The following NTNG1 variants were observed in gnomAD, a reference collection of about 807,000 sequenced individuals.
NTNG1 encodes netrin G1, also known as netrin-G1.
In NTNG1, 16 loss-of-function variants were observed where a neutral mutation model predicts 54.0. The observed-to-expected ratio is 0.30, with a 90% CI of 0.20 to 0.45. The LOEUF (loss-of-function observed/expected upper bound fraction) is 0.45, where lower values mean the gene tolerates loss of function less well. NTNG1 is among the 20% of genes least tolerant of loss of function. The pLI is 1.00. For missense variants in NTNG1, 530 were observed against 678.7 expected (o/e 0.78, Z 2.43); for synonymous variants, 255 against 263.1 (o/e 0.97, Z 0.30).
intron 2 of NTNG1, among the ~76,000 whole-genome samples, chr1:107,221,937 C>T (rs1421629484): frequency 6.6e-6 from 1 of 152,124 alleles, no homozygotes; most frequent in Non-Finnish European, 1.5e-5. Context: ...CCAACCTTTC[C>T]TTCCCTCCTT....
At chr1:107,447,357 C>A (rs950067036) in intron 7 of NTNG1, among the ~76,000 whole-genome samples, 1 of 152,032 alleles carries the variant, frequency 6.6e-6, no homozygotes, top group African/African-American at 2.4e-5. Flanking sequence ...GATAACTTGA[C>A]AATTTATTAG....
intron 2 of NTNG1, among the ~76,000 whole-genome samples, chr1:107,232,820 C>A (rs1661163570): frequency 6.6e-6 from 1 of 152,086 alleles, no homozygotes; most frequent in African/African-American, 2.4e-5. Context: ...ATGGAGGGTA[C>A]TAATAGCATT....
At chr1:107,145,817 G>C (rs1654065214) in intron 1 of NTNG1, among the ~76,000 whole-genome samples, 1 of 152,022 alleles carries the variant, frequency 6.6e-6, no homozygotes, top group Non-Finnish European at 1.5e-5. Flanking sequence ...TTCGATCAAT[G>C]GTGTAGTCCA....
chr1:107,346,884 TAAAAAAAAAAA>T (rs537482440), intron 3 of NTNG1, among the ~76,000 whole-genome samples: 1 of 97,140 alleles, frequency 1.0e-5, no homozygotes, highest in African/African-American at 3.9e-5. Context: ...TTTTCTATCC[TAAAAAAAAAAA>T]AAAAAAAAAA....
chr1:107,232,986 A>C (rs891749116), intron 2 of NTNG1, among the ~76,000 whole-genome samples: 3 of 152,220 alleles, frequency 2.0e-5, no homozygotes, highest in African/African-American at 7.2e-5. Context: ...TTTTATGGAT[A>C]ATAATGTAAT....
intron 2 of NTNG1, among the ~76,000 whole-genome samples, chr1:107,251,631 T>A (rs1006551600): frequency 1.3e-5 from 2 of 152,186 alleles, no homozygotes; most frequent in African/African-American, 2.4e-5. Context: ...TCTAAATTAA[T>A]GTCTCCAGTT....
At chr1:107,430,941 T>C (rs374027294) in intron 6 of NTNG1, 24 bp downstream of exon 6, 82 of 1,607,756 alleles carry the variant, frequency 5.1e-5, no homozygotes, top group Non-Finnish European at 6.3e-5. Flanking sequence ...CAATTTCAGC[T>C]ATTCTTCTGT....
intron 2 of NTNG1, among the ~76,000 whole-genome samples, chr1:107,258,761 A>C (rs1187941945): frequency 6.6e-6 from 1 of 152,224 alleles, no homozygotes; most frequent in Non-Finnish European, 1.5e-5. Context: ...CAAGGGAGAG[A>C]GTTCAGATTC....
At chr1:107,285,292 A>C (rs941946566) in intron 2 of NTNG1, among the ~76,000 whole-genome samples, 1 of 152,192 alleles carries the variant, frequency 6.6e-6, no homozygotes, top group Non-Finnish European at 1.5e-5. Flanking sequence ...TAGCTTTTAA[A>C]TTTGCTTTCA....
At chr1:107,454,898 G>A (rs1186209975) in intron 7 of NTNG1, among the ~76,000 whole-genome samples, 2 of 152,146 alleles carry the variant, frequency 1.3e-5, no homozygotes, top group Non-Finnish European at 2.9e-5. Flanking sequence ...AAATGAATGA[G>A]GCTCAAACCC....
At chr1:107,216,840 G>A (rs572010888) in intron 2 of NTNG1, among the ~76,000 whole-genome samples, 1 of 152,162 alleles carries the variant, frequency 6.6e-6, no homozygotes, top group Admixed American at 6.5e-5. Context: ...ACCACGACCA[G>A]CTTAATTTTT....
chr1:107,449,663 T>G (rs903853317), intron 7 of NTNG1, among the ~76,000 whole-genome samples: 1 of 151,428 alleles, frequency 6.6e-6, no homozygotes, highest in Non-Finnish European at 1.5e-5. Flanking sequence ...ATACCTGACT[T>G]AAAGAGTCCT....
intron 2 of NTNG1, among the ~76,000 whole-genome samples, chr1:107,235,540 C>T (rs1570924130): frequency 2.0e-5 from 3 of 152,240 alleles, no homozygotes; most frequent in Middle Eastern, 6.8e-3. Flanking sequence ...ATGGGCTTTA[C>T]CTTCAGGAGC....
intron 5 of NTNG1, among the ~76,000 whole-genome samples, chr1:107,422,368 A>T (rs756449990): frequency 4.6e-5 from 7 of 152,058 alleles, no homozygotes; most frequent in Non-Finnish European, 7.4e-5. Flanking sequence ...AAGCACATGC[A>T]AAGTTCATCT....
chr1:107,310,652 G>C (rs1481906060), intron 2 of NTNG1, among the ~76,000 whole-genome samples: 1 of 152,064 alleles, frequency 6.6e-6, no homozygotes, highest in East Asian at 1.9e-4. Flanking sequence ...GCACAATTTT[G>C]AAAATTGGAT....
At chr1:107,293,158 A>G (rs1050342354) in intron 2 of NTNG1, among the ~76,000 whole-genome samples, 9 of 152,302 alleles carry the variant, frequency 5.9e-5, no homozygotes, top group Admixed American at 5.9e-4. Flanking sequence ...GTAACCAAAA[A>G]TAAGTGTACA....
chr1:107,161,255 G>T (rs1434253349), intron 2 of NTNG1, among the ~76,000 whole-genome samples: 1 of 152,098 alleles, frequency 6.6e-6, no homozygotes, highest in East Asian at 1.9e-4. Flanking sequence ...GGTCTTTGGG[G>T]TATTGGCTGT....
At chr1:107,156,413 C>G (rs1257251280) in intron 2 of NTNG1, among the ~76,000 whole-genome samples, 1 of 152,032 alleles carries the variant, frequency 6.6e-6, no homozygotes, top group African/African-American at 2.4e-5. Context: ...ATAAAAAAGG[C>G]TATCCTGATA....
chr1:107,317,937 C>A (rs1667430362), intron 2 of NTNG1, among the ~76,000 whole-genome samples: 1 of 152,156 alleles, frequency 6.6e-6, no homozygotes, highest in Admixed American at 6.6e-5. Context: ...CTCTACTATT[C>A]TTAGGGTGGC....
Sources: allele counts gnomAD v4.1 joint callset (sites outside exome capture counted in the v4.1 genomes callset), GRCh38; gene constraint gnomAD v4.1.1; transcripts MANE v1.5; gene names NCBI Gene and HGNC (gene_info 2026-07-23, HGNC 2026-07-21).